Variants in CPNE8 observed in about 807,000 individuals in gnomAD.
CPNE8 encodes the protein copine-8.
A neutral mutation model predicts 81.5 loss-of-function variants in CPNE8; 45 were observed. That is an observed-to-expected ratio of 0.55 (90% CI 0.44 to 0.71). CPNE8 has a LOEUF of 0.71. Ranked by LOEUF, CPNE8 falls within the 30% of genes least tolerant of loss-of-function variation. CPNE8 has a pLI of 0.00. For missense variants in CPNE8, 594 were observed against 672.1 expected, an observed-to-expected ratio of 0.88 and a Z score of 1.28; for synonymous variants, 252 against 226.3, an observed-to-expected ratio of 1.11 and a Z score of -1.02.
chr12:38,809,748 C>G (rs1942895860), intron 6 of CPNE8, among the ~76,000 whole-genome samples: 1 of 152,154 alleles, frequency 6.6e-6, no homozygotes, highest in Admixed American at 6.5e-5. Flanking sequence ...TGTTCCAAAT[C>G]TCATCATCTA....
intron 5 of CPNE8, among the ~76,000 whole-genome samples, chr12:38,838,030 C>T (rs1943414435): frequency 6.6e-6 from 1 of 152,020 alleles, no homozygotes; most frequent in Admixed American, 6.6e-5. Flanking sequence ...GTTTAAGGTA[C>T]CTTCCTATCC....
intron 19 of CPNE8, among the ~76,000 whole-genome samples, chr12:38,656,269 G>A (rs1377969187): frequency 1.3e-5 from 2 of 149,570 alleles, no homozygotes; most frequent in Admixed American, 1.3e-4. Flanking sequence ...TGCTTTAAAT[G>A]TTAACATTTA....
intron 7 of CPNE8, among the ~76,000 whole-genome samples, chr12:38,770,604 A>G (rs1486245379): frequency 6.6e-6 from 1 of 152,226 alleles, no homozygotes; most frequent in Non-Finnish European, 1.5e-5. Context: ...AACCTTTAAC[A>G]TGGTCCGCAA....
intron 9 of CPNE8, 98 bp downstream of exon 9, chr12:38,762,014 A>T: frequency 3.9e-6 from 2 of 516,930 alleles, no homozygotes; most frequent in Non-Finnish European, 6.5e-6. Flanking sequence ...AAATAAGTTT[A>T]ACCAAATTTT....
At chr12:38,713,045 C>A (rs1271544464) in intron 13 of CPNE8, among the ~76,000 whole-genome samples, 1 of 152,070 alleles carries the variant, frequency 6.6e-6, no homozygotes, top group Non-Finnish European at 1.5e-5. Flanking sequence ...ATGAAATAAT[C>A]ATTGTTATTC....
In CPNE8 at chr12:38,747,921, C is replaced by T. The variant is rs554896447; in HGVS notation, c.722+12926G>A. Reference sequence around the variant, plus strand: ...TATTAGACAGTACTAGTATAAAGCACTCTGTAATTTTCATTTTTCATTTTA... The same window carrying T: ...TATTAGACAGTACTAGTATAAAGCATTCTGTAATTTTCATTTTTCATTTTA... On this transcript the variant is annotated intron_variant, in intron 10 of 19. Transcript: ENST00000331366. 2.6e-5 allele frequency among the ~76,000 whole-genome samples: 4 copies of T among 151,964 alleles called. No homozygotes were observed. The South Asian group carries it at 8.3e-4, about 32-fold the overall frequency.
intron 3 of CPNE8, among the ~76,000 whole-genome samples, chr12:38,869,242 T>A (rs577495976): frequency 2.0e-5 from 3 of 152,320 alleles, no homozygotes; most frequent in African/African-American, 7.2e-5. Context: ...AATTTTATAA[T>A]GCAGGAATTT....
intron 13 of CPNE8, among the ~76,000 whole-genome samples, chr12:38,717,458 T>TATATATATATATATATATAC (rs1339046227): frequency 1.2e-4 from 16 of 138,734 alleles, no homozygotes; most frequent in African/African-American, 3.5e-4. Flanking sequence ...TATATATATA[T>TATATATATATATATATATAC]ACACCATGGA....
In CPNE8 at chr12:38,657,242, G is replaced by C. The variant is rs139964877; in HGVS notation, c.1507-3172C>G. Among the ~76,000 whole-genome samples the C allele has an allele frequency of 4.7e-3, 715 of 152,288 alleles. 5 individuals carry two copies. Among genetic ancestry groups the C allele is most frequent in the African/African-American group, 0.016 (664 of 41,576 alleles). On this transcript the variant is annotated intron_variant, in intron 19 of 19. Coordinates refer to ENST00000331366, the MANE Select transcript of CPNE8 (RefSeq NM_153634.3). ...GAGATTCTCTCCTGTGCCTGGTTTGGTGGGTCCCATTCCCACAGAGCCTTG... is the reference window on the plus strand; with the variant it reads ...GAGATTCTCTCCTGTGCCTGGTTTGCTGGGTCCCATTCCCACAGAGCCTTG...
At chr12:38,836,022 T>C (rs559513961) in intron 5 of CPNE8, among the ~76,000 whole-genome samples, 8 of 152,280 alleles carry the variant, frequency 5.3e-5, no homozygotes, top group African/African-American at 1.2e-4. Flanking sequence ...ACACCAATTA[T>C]GGGCCTGTCA....
chr12:38,709,949 T>A (rs969542852), intron 13 of CPNE8, among the ~76,000 whole-genome samples: 2 of 152,120 alleles, frequency 1.3e-5, no homozygotes, highest in Non-Finnish European at 2.9e-5. Context: ...TCTGGATTCC[T>A]GGGGATCAGT....
chr12:38,663,913 C>T (rs1227596490), intron 19 of CPNE8, among the ~76,000 whole-genome samples: 1 of 151,912 alleles, frequency 6.6e-6, no homozygotes, highest in Non-Finnish European at 1.5e-5. Context: ...TATGTGTAAG[C>T]TAAAAAAGTT....
At chr12:38,802,933 T>C (rs537957527) in intron 6 of CPNE8, among the ~76,000 whole-genome samples, 3 of 149,112 alleles carry the variant, frequency 2.0e-5, no homozygotes, top group South Asian at 2.2e-4. Flanking sequence ...CCTCGACACA[T>C]ACAGTCTCCC....
chr12:38,905,628 G>GGGTGGAGGCAGAAGAAGGA (rs1944560123), upstream of CPNE8: 2 of 1,514,804 alleles, frequency 1.3e-6, no homozygotes, highest in Admixed American at 4.0e-5. Context: ...TGGGGGTTGA[G>GGGTGGAGGCAGAAGAAGGA]GGTGGAGGCA....
intron 10 of CPNE8, among the ~76,000 whole-genome samples, chr12:38,736,195 T>A (rs1940948572): frequency 7.0e-6 from 1 of 142,644 alleles, no homozygotes; most frequent in Admixed American, 7.0e-5. Flanking sequence ...TATAATAAGT[T>A]CTATTGCCCT....
chr12:38,814,686 A>G (rs946934262), intron 6 of CPNE8, among the ~76,000 whole-genome samples: 1 of 152,030 alleles, frequency 6.6e-6, no homozygotes, highest in Admixed American at 6.6e-5. Context: ...CTAAATATCC[A>G]TTTACAGGCC....
intron 7 of CPNE8, among the ~76,000 whole-genome samples, chr12:38,774,291 C>G (rs373972891): frequency 2.0e-5 from 3 of 152,076 alleles, no homozygotes; most frequent in African/African-American, 7.2e-5. Context: ...AAGATTTTGA[C>G]AAAATAGCAT....
At chr12:38,799,594 G>A (rs888530643) in intron 6 of CPNE8, among the ~76,000 whole-genome samples, 104 of 152,250 alleles carry the variant, frequency 6.8e-4, no homozygotes, top group Admixed American at 2.0e-3. Flanking sequence ...AGAGAAAGCA[G>A]GAAAGATCCA....
rs1431596750 is a variant in CPNE8, at chr12:38,874,096, G to A, written c.139+375C>T. Among the ~76,000 whole-genome samples the A allele has an allele frequency of 6.0e-5, 9 of 149,290 alleles. No individual in the cohort carries two copies. In the East Asian group the frequency reaches 7.8e-4, roughly 13 times the overall value. On this transcript the variant is annotated intron_variant, in intron 2 of 19. Coordinates refer to ENST00000331366, the MANE Select transcript of CPNE8 (RefSeq NM_153634.3). The stretch of plus-strand genomic sequence containing the variant: ...ATTATAGGCATGAACCACCTTGCCC[G>A]ACCACCACTTTCATTTAAAAAAAAA...
Sources: gnomAD v4.1 joint callset for allele counts (sites outside exome capture counted in the v4.1 genomes callset) on GRCh38, gnomAD v4.1.1 for gene constraint, MANE v1.5 for transcripts, NCBI Gene and HGNC (gene_info 2026-07-23, HGNC 2026-07-21) for gene names.